Variants in KIF4A observed in about 807,000 individuals in gnomAD.
KIF4A encodes kinesin family member 4A, also known as chromosome-associated kinesin KIF4A.
A neutral mutation model predicts 105.9 loss-of-function variants in KIF4A; 7 were observed. The ratio of observed to expected loss-of-function variants is 0.07; its 90% CI spans 0.04 to 0.12. The LOEUF (loss-of-function observed/expected upper bound fraction) is 0.12. Ranked by LOEUF, KIF4A falls within the 10% of genes least tolerant of loss-of-function variation. KIF4A has a pLI of 1.00. For synonymous variants in KIF4A, 281 were observed against 331.3 expected, an observed-to-expected ratio of 0.85 and a Z score of 1.65; for missense variants, 558 against 929.2, an observed-to-expected ratio of 0.60 and a Z score of 5.19.
intron 10 of KIF4A, among the ~76,000 whole-genome samples, chrX:70,338,237 CA>C (rs1176693589): frequency 2.7e-5 from 3 of 111,523 alleles, no homozygotes; most frequent in Admixed American, 9.5e-5. Context: ...CAGAGTTGTA[CA>C]ACTATCACCA....
chrX:70,293,395 CATT>C (rs1343340647), intron 3 of KIF4A, among the ~76,000 whole-genome samples: 1 of 112,154 alleles, frequency 8.9e-6, no homozygotes, highest in Admixed American at 9.5e-5. Flanking sequence ...TCCCTAAGGT[CATT>C]ATTTTTTTCA....
At chrX:70,363,012 TC>T (rs1400768788) in intron 15 of KIF4A, among the ~76,000 whole-genome samples, 1 of 111,088 alleles carries the variant, frequency 9.0e-6, no homozygotes, top group Non-Finnish European at 1.9e-5. Flanking sequence ...AGCCTTGACT[TC>T]CTGGGTTCAA....
intron 7 of KIF4A, among the ~76,000 whole-genome samples, chrX:70,303,153 A>G (rs1026544431): frequency 8.9e-6 from 1 of 112,031 alleles, no homozygotes; most frequent in African/African-American, 3.2e-5. Context: ...AGGTTCTTGC[A>G]TGCTGTCCCT....
At chrX:70,411,756 C>CTGTA (rs1332350995) in intron 28 of KIF4A, among the ~76,000 whole-genome samples, 1 of 110,816 alleles carries the variant, frequency 9.0e-6, no homozygotes, top group Admixed American at 9.6e-5. Flanking sequence ...TTTCCACTCT[C>CTGTA]TACAAAGAAT....
intron 28 of KIF4A, among the ~76,000 whole-genome samples, chrX:70,409,662 T>C (rs1360839858): frequency 9.1e-6 from 1 of 109,948 alleles, no homozygotes; most frequent in African/African-American, 3.3e-5. Flanking sequence ...CCAGGCATGG[T>C]GACGCATGCC....
chrX:70,339,216 T>C (rs2085963263), intron 10 of KIF4A, among the ~76,000 whole-genome samples: 1 of 112,384 alleles, frequency 8.9e-6, no homozygotes, highest in Admixed American at 9.4e-5. Flanking sequence ...ACTTTCAATA[T>C]TTTTGTTTTC....
chrX:70,319,477 C>T (rs146518837), intron 7 of KIF4A, among the ~76,000 whole-genome samples: 56 of 110,971 alleles, frequency 5.0e-4, no homozygotes, highest in Non-Finnish European at 8.7e-4. Context: ...TTAAAAAGTC[C>T]GTTCTTTCCC....
chrX:70,379,848 A>G (rs181138009), intron 18 of KIF4A, among the ~76,000 whole-genome samples: 126 of 110,520 alleles, frequency 1.1e-3, no homozygotes, highest in Non-Finnish European at 1.1e-3. Context: ...TCTGAAAACT[A>G]GAAGCAGTGG....
At chrX:70,311,809 A>C (rs1334610783) in intron 7 of KIF4A, among the ~76,000 whole-genome samples, 1 of 109,548 alleles carries the variant, frequency 9.1e-6, no homozygotes, top group Non-Finnish European at 1.9e-5. Flanking sequence ...ACAAAAATAA[A>C]AAATAAAATA....
chrX:70,404,395 C>T (rs2086292836), intron 24 of KIF4A, among the ~76,000 whole-genome samples: 1 of 111,194 alleles, frequency 9.0e-6, no homozygotes, highest in Admixed American at 9.6e-5. Context: ...AGGAAATTAG[C>T]TGAGTGTGAT....
In KIF4A at chrX:70,301,923, T is replaced by A; in HGVS notation, c.540T>A (p.Thr180=). 8.3e-7 allele frequency: 1 copy of A among 1,211,185 alleles called. No individual in the cohort carries two copies. The highest frequency in any genetic ancestry group is 2.2e-5 in the Admixed American group (1 of 45,972). ...AGATTGTGGGACTCACTGAGAAGAC[T>A]GTTTTGGTTGCCTTGGATACTGTTT... ...GIKIVGLTEK[T]VLVALDTVSC... is the part of the protein sequence containing the mutation. The change falls in exon 6 of 31, where the codon ACT becomes ACA. Residue 180 remains threonine (T), a synonymous_variant. Coordinates refer to ENST00000374403, the MANE Select transcript of KIF4A (RefSeq NM_012310.5).
rs779212620 is a variant in KIF4A, at chrX:70,387,230, G to A, written c.2165G>A (p.Arg722Gln). 1.8e-5 allele frequency: 21 copies of A among 1,188,510 alleles called. No homozygotes were observed. The highest frequency in any genetic ancestry group is 2.3e-4 in the Middle Eastern group (1 of 4,343). Reference sequence around the variant, plus strand: ...CTCAAGGATGCTCTCCAGAAACAACGGGAGGTTGCAGATAAGCGGAAAGAG... The same window carrying A: ...CTCAAGGATGCTCTCCAGAAACAACAGGAGGTTGCAGATAAGCGGAAAGAG... ...KRLKDALQKQ[R>Q]EVADKRKETQ... is the part of the protein sequence containing the mutation. Residue 722 changes from arginine (R) to glutamine (Q), a missense_variant, in exon 20 of 31, where the codon CGG (arginine) becomes CAG (glutamine). By Grantham distance (43) the Arg-to-Gln change is conservative. This residue lies in a region of KIF4A where 469 missense variants were observed against 680.4 expected (regional missense o/e 0.69). Coordinates refer to ENST00000374403, the MANE Select transcript of KIF4A (RefSeq NM_012310.5).
intron 7 of KIF4A, among the ~76,000 whole-genome samples, chrX:70,310,146 A>G (rs1297806432): frequency 2.7e-5 from 3 of 112,049 alleles, no homozygotes; most frequent in Non-Finnish European, 5.6e-5. Flanking sequence ...TACCACCAAA[A>G]ATATCATATA....
chrX:70,400,836 C>T (rs1335956927), intron 22 of KIF4A, among the ~76,000 whole-genome samples: 3 of 110,195 alleles, frequency 2.7e-5, no homozygotes, highest in Non-Finnish European at 5.7e-5. Context: ...GACGTGATCT[C>T]GGCTCACTGC....
intron 7 of KIF4A, among the ~76,000 whole-genome samples, chrX:70,319,793 AT>A (rs1421179716): frequency 8.9e-6 from 1 of 112,283 alleles, no homozygotes; most frequent in South Asian, 3.7e-4. Context: ...TAAAAATTAT[AT>A]TTTCTAACTT....
At chrX:70,339,589 A>G (rs2085964782) in intron 10 of KIF4A, among the ~76,000 whole-genome samples, 1 of 113,028 alleles carries the variant, frequency 8.8e-6, no homozygotes, top group Non-Finnish European at 1.9e-5. Context: ...TATTTTACAG[A>G]GAAATAAAGA....
chrX:70,370,454 GTATAGATAAA>G (rs1472942665), intron 15 of KIF4A, among the ~76,000 whole-genome samples: 1 of 105,994 alleles, frequency 9.4e-6, no homozygotes, highest in African/African-American at 3.4e-5. Context: ...TTTTCTATAA[GTATAGATAAA>G]TATAGAATAT....
chrX:70,322,457 G>A (rs907824041), intron 7 of KIF4A, among the ~76,000 whole-genome samples: 9 of 108,904 alleles, frequency 8.3e-5, no homozygotes, highest in Non-Finnish European at 1.7e-4. Context: ...GACTACAGGC[G>A]CCCACCACCA....
At chrX:70,391,344 T>C (rs2086236780) in intron 20 of KIF4A, among the ~76,000 whole-genome samples, 1 of 111,990 alleles carries the variant, frequency 8.9e-6, no homozygotes, top group South Asian at 3.7e-4. Context: ...ACAATTTTAT[T>C]TCTTCCTTTC....
Sources: allele counts gnomAD v4.1 joint callset (sites outside exome capture counted in the v4.1 genomes callset), GRCh38; gene constraint gnomAD v4.1.1; regional missense constraint gnomAD v4.1.1; transcripts MANE v1.5; gene names NCBI Gene and HGNC (gene_info 2026-07-23, HGNC 2026-07-21).